Variants in ARPC1A observed in about 807,000 individuals in gnomAD.
The protein encoded by ARPC1A is actin related protein 2/3 complex subunit 1A, also known as actin-related protein 2/3 complex subunit 1A.
ARPC1A carries 8 observed loss-of-function variants against 46.9 expected under a neutral mutation model. The ratio of observed to expected loss-of-function variants is 0.17; its 90% confidence interval spans 0.10 to 0.31. ARPC1A has a LOEUF of 0.31. Among genes scored for constraint, ARPC1A ranks in the 10% least tolerant of loss-of-function variants. The pLI is 1.00. For synonymous variants in ARPC1A, 152 were observed against 169.0 expected (o/e 0.90, Z 0.78); for missense variants, 286 against 483.6 (o/e 0.59, Z 3.83).
At chr7:99,343,061 T>A (rs1793381191) in intron 3 of ARPC1A, among the ~76,000 whole-genome samples, 1 of 152,070 alleles carries the variant, frequency 6.6e-6, no homozygotes, top group African/African-American at 2.4e-5. Flanking sequence ...ATTTGTCTTT[T>A]TTCCATATAA....
At chr7:99,339,642 G>A (rs1793326723) in intron 3 of ARPC1A, among the ~76,000 whole-genome samples, 1 of 152,210 alleles carries the variant, frequency 6.6e-6, no homozygotes, top group South Asian at 2.1e-4. Context: ...ATTCATGATT[G>A]TTTCTGAGAT....
intron 9 of ARPC1A, among the ~76,000 whole-genome samples, chr7:99,364,078 C>T (rs1211234820): frequency 1.3e-5 from 2 of 152,038 alleles, no homozygotes; most frequent in Admixed American, 6.6e-5. Context: ...CCTCAGTCTC[C>T]CAAGTAGTTG....
chr7:99,354,770 T>C (rs1793603043), intron 6 of ARPC1A, among the ~76,000 whole-genome samples: 1 of 151,784 alleles, frequency 6.6e-6, no homozygotes, highest in African/African-American at 2.4e-5. Flanking sequence ...TCACCTGAGG[T>C]CAGGAGTTCA....
Position 99,348,833 on chromosome 7 carries a change from C to A in ARPC1A, c.393-19C>A. The A allele has an allele frequency of 6.2e-7, 1 of 1,603,290 alleles. No individual in the cohort carries two copies. The highest frequency in any genetic ancestry group is 1.1e-5 in the South Asian group (1 of 90,470). On this transcript the variant is annotated intron_variant, in intron 4 of 9. Transcript: ENST00000262942. ...TGCTGGTTGAGTGGATAAACTGAAA[C>A]AGTTTTCCCCTCTCATAGGTGGGTG...
chr7:99,334,978 G>A (rs1282824846), intron 2 of ARPC1A, among the ~76,000 whole-genome samples: 5 of 152,142 alleles, frequency 3.3e-5, no homozygotes, highest in Admixed American at 2.6e-4. Flanking sequence ...TGAGTAGCTG[G>A]GACTACAGGC....
At chr7:99,350,385 C>T (rs114696274) in intron 5 of ARPC1A, among the ~76,000 whole-genome samples, 2,860 of 152,166 alleles carry the variant, frequency 0.019, 76 homozygotes, top group African/African-American at 0.066. Context: ...CTAAACAGTG[C>T]GCTGCTAAGC....
At chr7:99,338,040 C>T in intron 2 of ARPC1A, 141 bp from the exon 3 acceptor site, 1 of 534,358 alleles carries the variant, frequency 1.9e-6, no homozygotes, top group Non-Finnish European at 3.4e-6. Context: ...TGGAATTATT[C>T]AGAGGTGAAT....
rs763068686 is a variant in ARPC1A at position 99,353,897 on chromosome 7, C to A, written c.501-12C>A. On this transcript the variant is annotated splice_polypyrimidine_tract_variant and intron_variant, in intron 5 of 9. Transcript: ENST00000262942. ...CATTTGCTTTTTCCTTTTCTCTCTGCCCTTTAAACAGAGTGTTTTCTGCCT... is the reference window on the plus strand; with the variant it reads ...CATTTGCTTTTTCCTTTTCTCTCTGACCTTTAAACAGAGTGTTTTCTGCCT... The A allele has an allele frequency of 6.2e-7, 1 of 1,612,106 alleles. No individual in the cohort carries two copies. Among genetic ancestry groups the A allele is most frequent in the African/African-American group, 1.3e-5 (1 of 74,844 alleles).
At chr7:99,342,724 T>C (rs1793374995) in intron 3 of ARPC1A, among the ~76,000 whole-genome samples, 1 of 140,544 alleles carries the variant, frequency 7.1e-6, no homozygotes, top group Non-Finnish European at 1.5e-5. Context: ...TACTTTTTTT[T>C]TTTTTTTTTT....
chr7:99,327,509 A>G (rs994201904), intron 1 of ARPC1A, among the ~76,000 whole-genome samples: 1 of 149,068 alleles, frequency 6.7e-6, no homozygotes, highest in African/African-American at 2.5e-5. Context: ...TTTTGTAAAG[A>G]CAGGGTCTCC....
intron 7 of ARPC1A, among the ~76,000 whole-genome samples, chr7:99,358,946 C>G (rs1237499392): frequency 1.3e-5 from 2 of 152,016 alleles, no homozygotes; most frequent in Non-Finnish European, 2.9e-5. Flanking sequence ...ATTCTCCTGC[C>G]TCAGCGTCCT....
At chr7:99,327,937 C>G (rs1238778830) in intron 1 of ARPC1A, among the ~76,000 whole-genome samples, 2 of 152,132 alleles carry the variant, frequency 1.3e-5, no homozygotes, top group South Asian at 2.1e-4. Context: ...GTCTTGAAAA[C>G]TGACCCTAAA....
At chr7:99,352,115 G>T (rs1357699526) in intron 5 of ARPC1A, among the ~76,000 whole-genome samples, 1 of 152,130 alleles carries the variant, frequency 6.6e-6, no homozygotes, top group Non-Finnish European at 1.5e-5. Context: ...TTGTTGCAGG[G>T]TGGCAAATAG....
intron 3 of ARPC1A, among the ~76,000 whole-genome samples, chr7:99,340,306 G>A (rs1033884537): frequency 1.3e-4 from 20 of 152,124 alleles, no homozygotes; most frequent in African/African-American, 4.8e-4. Flanking sequence ...GGGATTACAG[G>A]TGCCTGCCAC....
In ARPC1A at chr7:99,331,929, AATTAT is replaced by A. The variant is rs1416681882; in HGVS notation, c.-29-1389_-29-1385del. Among the ~76,000 whole-genome samples, 4 of 152,160 alleles carry A rather than the reference AATTAT, an allele frequency of 2.6e-5. 1 individual carries two copies. The highest frequency in any genetic ancestry group is 2.9e-5 in the Non-Finnish European group (2 of 68,038). ...GTGAGACTCTGTCTCAAAAAAAAGA[AATTAT>A]ATTATAATCAACTTTCACTTATCAA... On this transcript the variant is annotated intron_variant, in intron 1 of 9. Transcript: ENST00000262942.
rs373489389 is a variant in ARPC1A, at chr7:99,345,518, A to T, written c.392+1003A>T. Among the ~76,000 whole-genome samples the T allele has an allele frequency of 2.7e-3, 404 of 152,240 alleles. 3 individuals carry two copies. The highest frequency in any genetic ancestry group is 7.6e-3 in the African/African-American group (317 of 41,560). ...TCTACTAAAAATACAAAAATTAGCC[A>T]GGCACAGTGGCAGGTACCTGTAATC... On this transcript the variant is annotated intron_variant, in intron 4 of 9. Transcript: ENST00000262942.
chr7:99,344,971 G>T (rs1584379901), intron 4 of ARPC1A, among the ~76,000 whole-genome samples: 1 of 93,428 alleles, frequency 1.1e-5, no homozygotes, highest in African/African-American at 4.6e-5. Flanking sequence ...TTACTCTGTT[G>T]CCCAGGCTGG....
At chr7:99,341,733 T>G (rs749565073) in intron 3 of ARPC1A, among the ~76,000 whole-genome samples, 27 of 152,078 alleles carry the variant, frequency 1.8e-4, no homozygotes, top group Non-Finnish European at 2.9e-5. Flanking sequence ...TAGTTATGTG[T>G]TTTTTTCCCT....
intron 9 of ARPC1A, among the ~76,000 whole-genome samples, 161 bp from the exon 10 acceptor site, chr7:99,365,730 C>T (rs1422807570): frequency 6.6e-6 from 1 of 152,080 alleles, no homozygotes; most frequent in African/African-American, 2.4e-5. Flanking sequence ...CCTGGAGTGT[C>T]TCTGCGGGGT....
Sources: allele counts gnomAD v4.1 joint callset (sites outside exome capture counted in the v4.1 genomes callset), GRCh38; gene constraint gnomAD v4.1.1; transcripts MANE v1.5; gene names NCBI Gene and HGNC (gene_info 2026-07-23, HGNC 2026-07-21).